The following RUNDC3B variants were observed in gnomAD, a reference collection of about 807,000 sequenced individuals.
RUNDC3B encodes RUN domain containing 3B.
RUNDC3B carries 33 observed loss-of-function variants against 58.4 expected under a neutral mutation model. The observed-to-expected ratio is 0.56, with a 90% CI of 0.43 to 0.75. The LOEUF (loss-of-function observed/expected upper bound fraction) is 0.75. Ranked by LOEUF, RUNDC3B falls within the 30% of genes least tolerant of loss-of-function variation. The probability of loss-of-function intolerance (pLI) is 0.00; values close to 1 mark genes in which losing one functional copy is unlikely to be tolerated. For missense variants in RUNDC3B, 501 were observed against 535.7 expected, an observed-to-expected ratio of 0.94 and a Z score of 0.64; for synonymous variants, 193 against 195.2, an observed-to-expected ratio of 0.99 and a Z score of 0.10.
intron 1 of RUNDC3B, among the ~76,000 whole-genome samples, chr7:87,647,001 T>A (rs1823071600): frequency 6.6e-6 from 1 of 152,196 alleles, no homozygotes; most frequent in Non-Finnish European, 1.5e-5. Context: ...GATAATACTA[T>A]GTAGTTGAAC....
At chr7:87,694,535 AC>A (rs1161606577) in intron 2 of RUNDC3B, among the ~76,000 whole-genome samples, 2 of 152,234 alleles carry the variant, frequency 1.3e-5, no homozygotes, top group African/African-American at 4.8e-5. Context: ...AAAGTAAAAA[AC>A]AAATGTCATT....
intron 1 of RUNDC3B, among the ~76,000 whole-genome samples, chr7:87,630,193 C>T (rs1434991206): frequency 1.3e-5 from 2 of 152,128 alleles, no homozygotes; most frequent in East Asian, 1.9e-4. Flanking sequence ...TGTATTTTTC[C>T]GTTATTTTTC....
In RUNDC3B at chr7:87,628,621, G is replaced by T. The variant is rs190284965; in HGVS notation, c.-203G>T. ...TGTGTGTGTGTGTGTGTGTGTGTGTGTGTGGAGCTCGGGTGCCAAGGGCGA... is the reference window on the plus strand; with the variant it reads ...TGTGTGTGTGTGTGTGTGTGTGTGTTTGTGGAGCTCGGGTGCCAAGGGCGA... On this transcript the variant is annotated 5_prime_UTR_variant, in exon 1 of 11. Transcript: ENST00000394654. 1 of 307,358 alleles carries T rather than the reference G, an allele frequency of 3.3e-6. No homozygotes were observed. The highest frequency in any genetic ancestry group is 2.5e-5 in the African/African-American group (1 of 39,958). The allele number at this position is 307,358 out of a possible 1,614,324, so 19.0% of individuals were successfully genotyped here.
At chr7:87,769,936 A>AT (rs1834184174) in intron 6 of RUNDC3B, among the ~76,000 whole-genome samples, 1 of 151,212 alleles carries the variant, frequency 6.6e-6, no homozygotes, top group Non-Finnish European at 1.5e-5. Context: ...CTCTTCTACC[A>AT]TTTTTTTCAC....
intron 7 of RUNDC3B, among the ~76,000 whole-genome samples, chr7:87,771,228 CT>C (rs1338641602): frequency 6.6e-6 from 1 of 151,256 alleles, no homozygotes; most frequent in Non-Finnish European, 1.5e-5. Flanking sequence ...CTATTTTTCT[CT>C]TTTTGTCTTC....
chr7:87,773,849 T>C lies in RUNDC3B; in HGVS notation c.798+3100T>C, dbSNP rs150386623. Among the ~76,000 whole-genome samples, 32 of 152,196 alleles carry C rather than the reference T, an allele frequency of 2.1e-4. No individual in the cohort carries two copies. The East Asian group carries it at 5.8e-3, about 28-fold the overall frequency. On this transcript the variant is annotated intron_variant, in intron 7 of 10. Coordinates refer to ENST00000394654, the MANE Select transcript of RUNDC3B (RefSeq NM_001134405.2). The stretch of plus-strand genomic sequence containing the variant: ...TGTGACACCACACCTGGCCAATTTT[T>C]GTATTTTTAGTAGAGACGGGGTTTC...
intron 10 of RUNDC3B, among the ~76,000 whole-genome samples, chr7:87,818,909 A>G (rs888797469): frequency 1.3e-5 from 2 of 152,190 alleles, no homozygotes; most frequent in Non-Finnish European, 2.9e-5. Context: ...GCCATACAGT[A>G]AAAACAAACA....
At chr7:87,647,774 C>T (rs954568692) in intron 1 of RUNDC3B, among the ~76,000 whole-genome samples, 1 of 152,172 alleles carries the variant, frequency 6.6e-6, no homozygotes, top group Non-Finnish European at 1.5e-5. Context: ...CATGATCAGA[C>T]ACCAATAATA....
intron 2 of RUNDC3B, among the ~76,000 whole-genome samples, chr7:87,657,165 A>G (rs2373575): frequency 0.01 from 1,578 of 152,296 alleles, 11 homozygotes; most frequent in Non-Finnish European, 0.013. Flanking sequence ...CTGGTTAAGG[A>G]CACTAGAACC....
intron 9 of RUNDC3B, among the ~76,000 whole-genome samples, chr7:87,813,478 AT>A (rs952424817): frequency 2.0e-5 from 3 of 152,030 alleles, no homozygotes; most frequent in Non-Finnish European, 4.4e-5. Context: ...GTTTGTAACT[AT>A]TTCTATATAT....
intron 4 of RUNDC3B, among the ~76,000 whole-genome samples, chr7:87,733,139 C>A (rs987973291): frequency 6.6e-6 from 1 of 151,742 alleles, no homozygotes; most frequent in Non-Finnish European, 1.5e-5. Context: ...GGCGCCCCCC[C>A]ATGCGTCTGT....
chr7:87,787,465 G>C (rs1235726238), intron 8 of RUNDC3B, among the ~76,000 whole-genome samples: 2 of 152,100 alleles, frequency 1.3e-5, no homozygotes, highest in Non-Finnish European at 2.9e-5. Flanking sequence ...TTTAAATCCT[G>C]AGTCACTTAG....
intron 10 of RUNDC3B, among the ~76,000 whole-genome samples, chr7:87,821,993 T>A (rs981444118): frequency 6.6e-6 from 1 of 152,028 alleles, no homozygotes; most frequent in African/African-American, 2.4e-5. Flanking sequence ...AAGGACTTCA[T>A]GTCTAAAACA....
intron 2 of RUNDC3B, 119 bp from the exon 3 acceptor site, chr7:87,700,302 C>T (rs1159612924): frequency 4.0e-6 from 3 of 745,532 alleles, no homozygotes; most frequent in Non-Finnish European, 6.2e-6. Flanking sequence ...ATTGGTGGTG[C>T]CCTTGCCATT....
chr7:87,753,330 C>T (rs1317905854), intron 6 of RUNDC3B, among the ~76,000 whole-genome samples: 1 of 151,768 alleles, frequency 6.6e-6, no homozygotes, highest in Non-Finnish European at 1.5e-5. Flanking sequence ...TGGTATGGTG[C>T]TGAAAAAAAT....
At chr7:87,709,728 A>G (rs1347719218) in intron 3 of RUNDC3B, among the ~76,000 whole-genome samples, 1 of 151,988 alleles carries the variant, frequency 6.6e-6, no homozygotes, top group Admixed American at 6.6e-5. Flanking sequence ...GATTAGTGTC[A>G]CCTTTATACT....
chr7:87,731,740 C>T (rs1466402739), intron 4 of RUNDC3B, among the ~76,000 whole-genome samples: 2 of 151,974 alleles, frequency 1.3e-5, no homozygotes, highest in Admixed American at 6.6e-5. Context: ...ACATGTGCAC[C>T]CAACAATGGA....
intron 2 of RUNDC3B, among the ~76,000 whole-genome samples, chr7:87,686,126 CT>C (rs1026357579): frequency 6.6e-6 from 1 of 152,204 alleles, no homozygotes; most frequent in Admixed American, 6.5e-5. Context: ...ATACTTTCTG[CT>C]TTTTTTGGCT....
intron 4 of RUNDC3B, among the ~76,000 whole-genome samples, chr7:87,739,084 G>C (rs1426593917): frequency 6.6e-6 from 1 of 151,550 alleles, no homozygotes; most frequent in Middle Eastern, 3.2e-3. Context: ...TTCATTTTTG[G>C]AAAAATACCT....
Sources: allele counts gnomAD v4.1 joint callset (sites outside exome capture counted in the v4.1 genomes callset), GRCh38; gene constraint gnomAD v4.1.1; transcripts MANE v1.5; gene names NCBI Gene and HGNC (gene_info 2026-07-23, HGNC 2026-07-21).